Variants in PHF20L1 observed in about 807,000 individuals in gnomAD.
The protein encoded by PHF20L1 is PHD finger protein 20 like 1.
Under a neutral mutation model 125.5 loss-of-function variants are expected in PHF20L1, and 44 were observed. The observed-to-expected ratio is 0.35, with a 90% CI of 0.28 to 0.45. The LOEUF (loss-of-function observed/expected upper bound fraction) is 0.45. Ranked by LOEUF, PHF20L1 falls within the 20% of genes least tolerant of loss-of-function variation. The pLI, the probability that PHF20L1 is intolerant of heterozygous loss-of-function variation, is 1.00. For missense variants in PHF20L1, 1,012 were observed against 1,217.2 expected (o/e 0.83, Z 2.51); for synonymous variants, 380 against 403.1 (o/e 0.94, Z 0.69).
At chr8:132,834,586 G>A (rs1172797090) in intron 15 of PHF20L1, among the ~76,000 whole-genome samples, 2 of 151,912 alleles carry the variant, frequency 1.3e-5, no homozygotes, top group East Asian at 1.9e-4. Flanking sequence ...CTCTCACCAC[G>A]GCCTCCCAAA....
chr8:132,790,000 G>C lies in PHF20L1; in HGVS notation c.84-4410G>C, dbSNP rs919771335. ...TGACTCTTCAAAATCTGAAACTTCA[G>C]TCTTCCACTTCTTGAATATTTTTCC... On this transcript the variant is annotated intron_variant, in intron 2 of 20. Coordinates refer to ENST00000395386, the MANE Select transcript of PHF20L1 (RefSeq NM_016018.5). Among the ~76,000 whole-genome samples the C allele has an allele frequency of 2.0e-5, 3 of 152,034 alleles. No homozygotes were observed. In the East Asian group the frequency reaches 5.8e-4, roughly 29 times the overall value.
At chr8:132,825,590 A>G (rs1836085632) in intron 14 of PHF20L1, among the ~76,000 whole-genome samples, 1 of 152,040 alleles carries the variant, frequency 6.6e-6, no homozygotes, top group Non-Finnish European at 1.5e-5. Context: ...AATTGTTGCA[A>G]CTGATTAGAC....
intron 12 of PHF20L1, chr8:132,818,901 T>C (rs1176178072): frequency 6.6e-6 from 1 of 151,932 alleles, no homozygotes; most frequent in Non-Finnish European, 1.5e-5. Flanking sequence ...GTGAAAATAT[T>C]TACATTTTTC....
chr8:132,826,962 C>G (rs1430695330), intron 14 of PHF20L1: 3 of 151,962 alleles, frequency 2.0e-5, no homozygotes, highest in Non-Finnish European at 4.4e-5. Context: ...TTAGCTCTCT[C>G]CATAGTCCAA....
intron 9 of PHF20L1, chr8:132,812,149 C>T: frequency 1.0e-6 from 1 of 979,334 alleles, no homozygotes; most frequent in Non-Finnish European, 1.2e-6. Flanking sequence ...TAAGTCTTTG[C>T]CGTTATTGTC....
intron 8 of PHF20L1, chr8:132,810,829 C>G (rs908111717): frequency 3.4e-5 from 16 of 468,076 alleles, no homozygotes; most frequent in Admixed American, 1.7e-4. Flanking sequence ...TAATATTAAA[C>G]AACAGACACA....
chr8:132,841,236 A>G (rs1015414961), intron 18 of PHF20L1, among the ~76,000 whole-genome samples: 4 of 152,138 alleles, frequency 2.6e-5, no homozygotes, highest in African/African-American at 9.6e-5. Context: ...CTTTCATGTG[A>G]TATTTCATTT....
chr8:132,789,189 T>C (rs1342409106), intron 2 of PHF20L1, among the ~76,000 whole-genome samples: 1 of 152,202 alleles, frequency 6.6e-6, no homozygotes, highest in African/African-American at 2.4e-5. Context: ...ACTGTATAGC[T>C]AACCTCTTTG....
chr8:132,824,610 T>C (rs1489639650), intron 13 of PHF20L1: 1 of 160,460 alleles, frequency 6.2e-6, no homozygotes, highest in Non-Finnish European at 1.4e-5. Context: ...GAGCAATAGC[T>C]AGTAGGATAT....
At chr8:132,837,056 T>A (rs1481392346) in intron 16 of PHF20L1, among the ~76,000 whole-genome samples, 1 of 152,114 alleles carries the variant, frequency 6.6e-6, no homozygotes, top group Non-Finnish European at 1.5e-5. Flanking sequence ...TGAATTATTA[T>A]AATAATAATT....
chr8:132,835,596 A>G (rs1027646000), intron 15 of PHF20L1, among the ~76,000 whole-genome samples: 1 of 152,158 alleles, frequency 6.6e-6, no homozygotes, highest in Admixed American at 6.5e-5. Flanking sequence ...ATTGAGTTGT[A>G]TGTAGTAGTC....
chr8:132,831,984 C>T (rs943469031), intron 14 of PHF20L1, among the ~76,000 whole-genome samples: 1 of 152,080 alleles, frequency 6.6e-6, no homozygotes, highest in African/African-American at 2.4e-5. Flanking sequence ...TATAGTACTT[C>T]ACAAAAGTTT....
At chr8:132,824,671 T>G (rs1835959951) in intron 13 of PHF20L1, 1 of 168,150 alleles carries the variant, frequency 5.9e-6, no homozygotes. Flanking sequence ...ATTTATTTTT[T>G]TAAGTACATA....
chr8:132,831,357 A>T (rs1587044661), intron 14 of PHF20L1, among the ~76,000 whole-genome samples: 2 of 151,308 alleles, frequency 1.3e-5, no homozygotes, highest in African/African-American at 4.9e-5. Context: ...CTGGAATCAC[A>T]CCCCCACCTC....
intron 8 of PHF20L1, among the ~76,000 whole-genome samples, chr8:132,806,215 A>G (rs1833681141): frequency 6.6e-6 from 1 of 152,010 alleles, no homozygotes; most frequent in African/African-American, 2.4e-5. Context: ...ATACTCTTAC[A>G]TATGCCTTAC....
intron 9 of PHF20L1, chr8:132,812,459 TA>T (rs1009558166): frequency 1.0e-6 from 1 of 984,878 alleles, no homozygotes; most frequent in African/African-American, 1.7e-5. Flanking sequence ...AAATTGAATT[TA>T]AAAAAGAAAG....
At chr8:132,809,813 CTG>C (rs1563814097) in intron 8 of PHF20L1, 1 of 151,886 alleles carries the variant, frequency 6.6e-6, no homozygotes, top group Non-Finnish European at 1.5e-5. Flanking sequence ...GGCTTATAAA[CTG>C]GGGTTCACTG....
At chr8:132,816,217 G>T (rs1206524752) in intron 10 of PHF20L1, 2 of 151,742 alleles carry the variant, frequency 1.3e-5, no homozygotes, top group African/African-American at 4.8e-5. Context: ...ATTGCTAGAA[G>T]ATGCCTAAAT....
intron 5 of PHF20L1, 24 bp from the exon 6 acceptor site, chr8:132,799,071 A>G (rs569078270): frequency 3.8e-6 from 6 of 1,593,100 alleles, no homozygotes; most frequent in East Asian, 4.5e-5. Context: ...TGCTAAAGTT[A>G]TAGGTCACTA....
Sources: allele counts gnomAD v4.1 joint callset (sites outside exome capture counted in the v4.1 genomes callset), GRCh38; gene constraint gnomAD v4.1.1; transcripts MANE v1.5; gene names NCBI Gene and HGNC (gene_info 2026-07-23, HGNC 2026-07-21).